The following WWP1 variants were observed in gnomAD, a reference collection of about 807,000 sequenced individuals.
The protein encoded by WWP1 is WW domain containing E3 ubiquitin protein ligase 1.
A neutral mutation model predicts 130.6 loss-of-function variants in WWP1; 49 were observed. The ratio of observed to expected loss-of-function variants is 0.38; its 90% CI spans 0.30 to 0.48. WWP1 has a LOEUF of 0.48. Ranked by LOEUF, WWP1 falls within the 20% of genes least tolerant of loss-of-function variation. The pLI, the probability that WWP1 is intolerant of heterozygous loss-of-function variation, is 0.99. For missense variants in WWP1, 809 were observed against 1,100.6 expected (o/e 0.74, Z 3.75); for synonymous variants, 332 against 367.8 (o/e 0.90, Z 1.11).
chr8:86,424,208 G>C (rs1448723133), intron 9 of WWP1, among the ~76,000 whole-genome samples: 4 of 151,466 alleles, frequency 2.6e-5, no homozygotes, highest in African/African-American at 9.7e-5. Flanking sequence ...TCCCAGACGG[G>C]GCGGCGGGGC....
At chr8:86,390,023 C>T (rs994660736) in intron 5 of WWP1, among the ~76,000 whole-genome samples, 1 of 151,430 alleles carries the variant, frequency 6.6e-6, no homozygotes, top group Non-Finnish European at 1.5e-5. Context: ...GAAGGGGTGG[C>T]GGTCTGGCAG....
chr8:86,423,605 G>C (rs1369451055), intron 9 of WWP1, among the ~76,000 whole-genome samples: 1 of 152,120 alleles, frequency 6.6e-6, no homozygotes, highest in Non-Finnish European at 1.5e-5. Flanking sequence ...ACAAAATGGA[G>C]TCTCCTATGT....
At chr8:86,446,262 G>A (rs188379406) in intron 18 of WWP1, among the ~76,000 whole-genome samples, 255 of 152,224 alleles carry the variant, frequency 1.7e-3, no homozygotes, top group Middle Eastern at 6.8e-3. Flanking sequence ...GATTACAGGC[G>A]TGAGCCACTG....
chr8:86,437,565 A>G (rs897409985), intron 16 of WWP1, among the ~76,000 whole-genome samples: 57 of 152,178 alleles, frequency 3.7e-4, no homozygotes, highest in African/African-American at 1.2e-3. Flanking sequence ...CATTAACCCA[A>G]AATAGAACTA....
At chr8:86,405,776 C>T (rs565705481) in intron 8 of WWP1, among the ~76,000 whole-genome samples, 1 of 152,238 alleles carries the variant, frequency 6.6e-6, no homozygotes, top group Admixed American at 6.5e-5. Context: ...AAGCAATCAT[C>T]CCACCTCAGC....
chr8:86,406,569 A>G (rs535690491), intron 8 of WWP1, among the ~76,000 whole-genome samples: 8 of 152,344 alleles, frequency 5.3e-5, no homozygotes, highest in Non-Finnish European at 8.8e-5. Context: ...CAGTGTTAAC[A>G]TCTTGTATAA....
intron 24 of WWP1, among the ~76,000 whole-genome samples, chr8:86,466,103 C>T (rs542920642): frequency 6.6e-6 from 1 of 152,154 alleles, no homozygotes; most frequent in Non-Finnish European, 1.5e-5. Flanking sequence ...ACACCCGAAT[C>T]CTAATCTAGC....
chr8:86,392,365 T>C (rs991487561), intron 5 of WWP1, among the ~76,000 whole-genome samples: 5 of 152,202 alleles, frequency 3.3e-5, no homozygotes, highest in African/African-American at 1.2e-4. Context: ...GTTTCAATTT[T>C]GAGGCGGAGA....
intron 1 of WWP1, among the ~76,000 whole-genome samples, chr8:86,359,942 A>G (rs898104364): frequency 1.3e-5 from 2 of 151,842 alleles, no homozygotes; most frequent in Non-Finnish European, 2.9e-5. Flanking sequence ...CCAGCTACTC[A>G]GGAGGCTGAG....
At chr8:86,380,301 C>A (rs928313091) in intron 3 of WWP1, among the ~76,000 whole-genome samples, 2 of 151,482 alleles carry the variant, frequency 1.3e-5, no homozygotes, top group African/African-American at 4.9e-5. Context: ...CCAGAATAGG[C>A]AAATTTAAAG....
Position 86,381,544 on chromosome 8 carries a change from G to T in WWP1, c.249G>T (p.Trp83Cys). 6.2e-7 allele frequency: 1 copy of T among 1,610,574 alleles called. No individual in the cohort carries two copies. Among genetic ancestry groups the T allele is most frequent in the Non-Finnish European group, 8.5e-7 (1 of 1,179,224 alleles). ...AGACTACATTGGAATTTCAAGTTTG[G>T]AGCCATCGCACTTTAAAAGCAGATG... is the stretch of plus-strand genomic sequence containing the variant. ...TPQTTLEFQVWSHRTLKADAL... is the reference protein window; with the variant it reads ...TPQTTLEFQVCSHRTLKADAL... The change falls in exon 5 of 25, where the codon TGG (tryptophan) becomes TGT (cysteine). Residue 83 changes from tryptophan to cysteine, a missense_variant. Around this residue, in one of 3 missense-constraint regions of WWP1, gnomAD observed 262 missense variants for 346.0 expected, o/e 0.76. Transcript: ENST00000517970.
In WWP1 at chr8:86,402,226, C is replaced by G. The variant is rs759033286; in HGVS notation, c.724+23C>G. On this transcript the variant is annotated intron_variant, in intron 8 of 24. Transcript: ENST00000517970. ...CTGGTAAGCAAGGCTATTTATGACA[C>G]CTTGTTTAAAGGAAAAGTAAATGAA... 5.6e-6 allele frequency: 9 copies of G among 1,604,978 alleles called. No individual in the cohort carries two copies. The South Asian group carries it at 7.8e-5, about 14-fold the overall frequency.
chr8:86,402,335 G>A, intron 8 of WWP1, 132 bp downstream of exon 8: 3 of 1,166,410 alleles, frequency 2.6e-6, no homozygotes, highest in East Asian at 5.6e-5. Flanking sequence ...ACCCAGGCTG[G>A]AGTGCAGTGG....
At chr8:86,411,424 T>TC (rs1310925674) in intron 8 of WWP1, 114 bp from the exon 9 acceptor site, 1 of 771,996 alleles carries the variant, frequency 1.3e-6, no homozygotes, top group Non-Finnish European at 2.0e-6. Context: ...GTTTGGAGAA[T>TC]GGATTGTAGT....
intron 1 of WWP1, among the ~76,000 whole-genome samples, chr8:86,352,518 C>T (rs1014991831): frequency 1.3e-5 from 2 of 152,062 alleles, no homozygotes; most frequent in African/African-American, 2.4e-5. Flanking sequence ...CATGAGCCAC[C>T]GTGCCCTGCC....
At chr8:86,423,862 A>C (rs1586421424) in intron 9 of WWP1, among the ~76,000 whole-genome samples, 4 of 120,220 alleles carry the variant, frequency 3.3e-5, no homozygotes, top group East Asian at 2.8e-4. Flanking sequence ...GGCGCCCCCC[A>C]CCTCCCTCCC....
At chr8:86,439,263 A>T (rs1810467663) in intron 17 of WWP1, among the ~76,000 whole-genome samples, 1 of 149,738 alleles carries the variant, frequency 6.7e-6, no homozygotes, top group Non-Finnish European at 1.5e-5. Flanking sequence ...GAATGGTGTG[A>T]ACCCAGGAGG....
chr8:86,373,554 G>A (rs1043848416), intron 2 of WWP1, among the ~76,000 whole-genome samples: 6 of 152,024 alleles, frequency 3.9e-5, no homozygotes, highest in African/African-American at 7.2e-5. Flanking sequence ...ACAGAGTCTC[G>A]CTCTGTTGCC....
intron 17 of WWP1, among the ~76,000 whole-genome samples, chr8:86,439,488 C>A (rs1281191556): frequency 6.6e-6 from 1 of 152,256 alleles, no homozygotes; most frequent in East Asian, 1.9e-4. Flanking sequence ...AGGCACAGCA[C>A]TCAGTCTGAA....
Sources: gnomAD v4.1 joint callset for allele counts (sites outside exome capture counted in the v4.1 genomes callset) on GRCh38, gnomAD v4.1.1 for gene constraint, gnomAD v4.1.1 regional missense constraint, MANE v1.5 for transcripts, NCBI Gene and HGNC (gene_info 2026-07-23, HGNC 2026-07-21) for gene names.